PARD6G: variants seen among roughly 807,000 people sequenced by gnomAD.
PARD6G encodes partitioning defective 6 homolog gamma.
Under a neutral mutation model 10.7 loss-of-function variants are expected in PARD6G, and 7 were observed. The observed-to-expected ratio is 0.66, with a 90% confidence interval of 0.37 to 1.23. The LOEUF (loss-of-function observed/expected upper bound fraction) is 1.23. Among genes scored for constraint, PARD6G ranks in the 50% most tolerant of loss-of-function variants. The probability of loss-of-function intolerance (pLI) is 0.02; values close to 1 mark genes in which losing one functional copy is unlikely to be tolerated. For missense variants in PARD6G, 548 were observed against 571.8 expected (o/e 0.96, Z 0.42); for synonymous variants, 287 against 269.4 (o/e 1.07, Z -0.64).
At chr18:80,208,671 G>C (rs1967078528) in intron 1 of PARD6G, among the ~76,000 whole-genome samples, 1 of 151,944 alleles carries the variant, frequency 6.6e-6, no homozygotes, top group Admixed American at 6.6e-5. Flanking sequence ...TGGAGGCTGA[G>C]GCAGGAGGAT....
chr18:80,162,820 T>A (rs1424863509), intron 2 of PARD6G, among the ~76,000 whole-genome samples: 2 of 151,834 alleles, frequency 1.3e-5, no homozygotes, highest in Non-Finnish European at 2.9e-5. Context: ...GGAGGGTGAG[T>A]GGCACAGAGC....
At chr18:80,167,207 G>C (rs546708565) in intron 2 of PARD6G, among the ~76,000 whole-genome samples, 1 of 151,374 alleles carries the variant, frequency 6.6e-6, no homozygotes, top group African/African-American at 2.4e-5. Context: ...AGGATAACAC[G>C]TGGGCAGTGT....
rs202098994 is a variant in PARD6G at position 80,232,645 on chromosome 18, C to T, written c.72+14632G>A. On this transcript the variant is annotated intron_variant, in intron 1 of 2. Transcript: ENST00000353265. Reference sequence around the variant, plus strand: ...CTCCCACCAGGTCCCTCCCACAACACGTGGGAGTTATGAGAGTACAATTCA... The same window carrying T: ...CTCCCACCAGGTCCCTCCCACAACATGTGGGAGTTATGAGAGTACAATTCA... Among the ~76,000 whole-genome samples the T allele has an allele frequency of 1.6e-4, 17 of 104,788 alleles. No individual in the cohort carries two copies. The East Asian group carries it at 3.9e-3, about 24-fold the overall frequency. 68.7% of individuals were successfully genotyped at this position (104,788 alleles called of 152,430 possible). A position where few individuals can be genotyped will look rare whatever the true frequency, so the allele number is the denominator to read the frequency against.
At position 80,159,845 on chromosome 18, in the gene PARD6G, GC is replaced by G; in HGVS notation, c.1056del (p.Arg353GlyfsTer39). The part of the protein sequence containing the change: ...DGGLQRLLSS[L>X]RADPRHSLAL... Reference sequence around the variant, plus strand: ...GCCAGGCTGTGACGGGGGTCGGCCCGCAGGGAGCTGAGCAGCCGCTGGAGGC... The same window carrying G: ...GCCAGGCTGTGACGGGGGTCGGCCCGAGGGAGCTGAGCAGCCGCTGGAGGC... On this transcript the variant is annotated frameshift_variant, in exon 3 of 3. Transcript: ENST00000353265. LOFTEE classifies it high-confidence loss of function. 1 of 1,497,818 alleles carries G rather than the reference GC, an allele frequency of 6.7e-7. No homozygotes were observed. Among genetic ancestry groups the G allele is most frequent in the Non-Finnish European group, 8.9e-7 (1 of 1,128,752 alleles). 92.8% of individuals were successfully genotyped at this position (1,497,818 alleles called of 1,614,324 possible). A position where few individuals can be genotyped will look rare whatever the true frequency, so the allele number is the denominator to read the frequency against.
chr18:80,237,036 T>C (rs1328798343), intron 1 of PARD6G, among the ~76,000 whole-genome samples: 8 of 152,120 alleles, frequency 5.3e-5, no homozygotes, highest in African/African-American at 7.2e-5. Flanking sequence ...GAACCCGCAT[T>C]GCCAAGTCAA....
intron 2 of PARD6G, among the ~76,000 whole-genome samples, chr18:80,198,685 G>A (rs1966980986): frequency 6.6e-6 from 1 of 152,210 alleles, no homozygotes; most frequent in Admixed American, 6.5e-5. Context: ...ACCAGGGGAA[G>A]AGAGGATTTT....
chr18:80,236,135 T>C (rs1967419498), intron 1 of PARD6G, among the ~76,000 whole-genome samples: 1 of 152,014 alleles, frequency 6.6e-6, no homozygotes, highest in African/African-American at 2.4e-5. Flanking sequence ...CAGCAGCACA[T>C]CAAAAAGCTT....
chr18:80,160,271 C>T lies in PARD6G; in HGVS notation c.631G>A (p.Ala211Thr). ...GGLAESTGLLAVNDEVLEVNG... is the reference protein window; with the variant it reads ...GGLAESTGLLTVNDEVLEVNG... ...ACCTCCAGGACCTCGTCATTCACAG[C>T]CAGCAGCCCGGTGCTCTCCGCCAGG... The change falls in exon 3 of 3, where the codon GCT becomes ACT. Residue 211 changes from alanine to threonine, a missense_variant. This residue lies in a region of PARD6G where 313 missense variants were observed against 279.9 expected (regional missense o/e 1.12). Coordinates refer to ENST00000353265, the MANE Select transcript of PARD6G (RefSeq NM_032510.4). The T allele has an allele frequency of 6.2e-7, 1 of 1,612,536 alleles. No homozygotes were observed. Among genetic ancestry groups the T allele is most frequent in the Non-Finnish European group, 8.5e-7 (1 of 1,179,796 alleles).
rs1396993117 is a variant in PARD6G, at chr18:80,176,841, C to A, written c.296-16235G>T. The stretch of plus-strand genomic sequence containing the variant: ...ACAGCCCTTCACGATCCTTAGAAAA[C>A]AAACAGGATACACACACATGCACGG... On this transcript the variant is annotated intron_variant, in intron 2 of 2. Transcript: ENST00000353265. Among the ~76,000 whole-genome samples, 3 of 152,082 alleles carry A rather than the reference C, an allele frequency of 2.0e-5. No homozygotes were observed. The East Asian group carries it at 5.8e-4, about 29-fold the overall frequency.
chr18:80,222,251 A>AT (rs553055473), intron 1 of PARD6G, among the ~76,000 whole-genome samples: 23 of 148,950 alleles, frequency 1.5e-4, no homozygotes, highest in Admixed American at 4.7e-4. Flanking sequence ...CACCTGGCTA[A>AT]TTTTTTTTTT....
At chr18:80,185,233 G>A (rs370638622) in intron 2 of PARD6G, among the ~76,000 whole-genome samples, 1 of 152,100 alleles carries the variant, frequency 6.6e-6, no homozygotes, top group East Asian at 1.9e-4. Context: ...GATGTGCCTC[G>A]CTGGGAGGAG....
At chr18:80,199,744 G>A (rs996326416) in intron 2 of PARD6G, among the ~76,000 whole-genome samples, 30 of 152,294 alleles carry the variant, frequency 2.0e-4, no homozygotes, top group African/African-American at 6.0e-4. Context: ...CTGGGTTCAA[G>A]CGATTTCTCC....
At chr18:80,234,340 C>T (rs181734489) in intron 1 of PARD6G, among the ~76,000 whole-genome samples, 17 of 152,248 alleles carry the variant, frequency 1.1e-4, no homozygotes, top group Admixed American at 9.8e-4. Context: ...GCCAATCAAA[C>T]CACAGAATTC....
intron 1 of PARD6G, among the ~76,000 whole-genome samples, chr18:80,244,754 C>A (rs1243722957): frequency 6.6e-6 from 1 of 152,190 alleles, no homozygotes; most frequent in Non-Finnish European, 1.5e-5. Context: ...ATTTTCCCCA[C>A]AAACCAAACC....
At chr18:80,211,356 G>T (rs1269052114) in intron 1 of PARD6G, among the ~76,000 whole-genome samples, 4 of 152,184 alleles carry the variant, frequency 2.6e-5, no homozygotes, top group Non-Finnish European at 4.4e-5. Flanking sequence ...ACATTTAAAA[G>T]ACAATGCTGG....
At chr18:80,214,632 G>A (rs1568439209) in intron 1 of PARD6G, among the ~76,000 whole-genome samples, 1 of 151,988 alleles carries the variant, frequency 6.6e-6, no homozygotes, top group Non-Finnish European at 1.5e-5. Flanking sequence ...GAAAGAATCA[G>A]CAAATTTGAT....
chr18:80,203,429 C>T (rs531852555), intron 1 of PARD6G, among the ~76,000 whole-genome samples: 381 of 152,202 alleles, frequency 2.5e-3, no homozygotes, highest in African/African-American at 8.7e-3. Flanking sequence ...GGCAGCAGCT[C>T]GCTCATCCAC....
At chr18:80,198,398 T>G (rs971989070) in intron 2 of PARD6G, among the ~76,000 whole-genome samples, 1 of 152,280 alleles carries the variant, frequency 6.6e-6, no homozygotes, top group African/African-American at 2.4e-5. Context: ...CAGATTACTT[T>G]TCTTATTCAT....
intron 2 of PARD6G, among the ~76,000 whole-genome samples, chr18:80,177,777 T>C (rs565787652): frequency 1.9e-4 from 28 of 144,092 alleles, no homozygotes; most frequent in African/African-American, 7.3e-4. Context: ...ACGAGATAAA[T>C]CAATGCCCAA....
Sources: gnomAD v4.1 joint callset for allele counts (sites outside exome capture counted in the v4.1 genomes callset) on GRCh38, gnomAD v4.1.1 for gene constraint, gnomAD v4.1.1 regional missense constraint, MANE v1.5 for transcripts, NCBI Gene and HGNC (gene_info 2026-07-23, HGNC 2026-07-21) for gene names.